The following CCDC152 variants were observed in gnomAD, a reference collection of about 807,000 sequenced individuals.
CCDC152 encodes coiled-coil domain-containing protein 152.
In CCDC152, 37 loss-of-function variants were observed where a neutral mutation model predicts 38.1. The observed-to-expected ratio is 0.97, with a 90% CI of 0.75 to 1.28. CCDC152 has a LOEUF of 1.28. Among genes scored for constraint, CCDC152 ranks in the 50% most tolerant of loss-of-function variants. The pLI, the probability that CCDC152 is intolerant of heterozygous loss-of-function variation, is 0.00. For synonymous variants in CCDC152, 83 were observed against 87.1 expected (o/e 0.95, Z 0.26); for missense variants, 259 against 292.1 (o/e 0.89, Z 0.83).
rs1579705124 is a variant in CCDC152 at position 42,763,243 on chromosome 5, A to C, written c.193+695A>C. Among the ~76,000 whole-genome samples the C allele has an allele frequency of 2.6e-5, 4 of 152,256 alleles. No homozygotes were observed. In the South Asian group the frequency reaches 8.3e-4, roughly 31 times the overall value. On this transcript the variant is annotated intron_variant, in intron 3 of 8. Coordinates refer to ENST00000361970, the MANE Select transcript of CCDC152 (RefSeq NM_001134848.2). ...AAGTGAGACAAAAGCCAACTGAAAG[A>C]GCCGAAACTGGAACAACATGAGCTA...
chr5:42,800,560 A>G lies in CCDC152; in HGVS notation c.*779A>G, dbSNP rs376550561. The G allele has an allele frequency of 2.4e-6, 2 of 827,300 alleles. No homozygotes were observed. The highest frequency in any genetic ancestry group is 1.7e-5 in the African/African-American group (1 of 58,266). The allele number at this position is 827,300 out of a possible 1,614,324, so 51.2% of individuals were successfully genotyped here. On this transcript the variant is annotated 3_prime_UTR_variant, in exon 9 of 9. Coordinates refer to ENST00000361970, the MANE Select transcript of CCDC152 (RefSeq NM_001134848.2). ...AAATATGGTTTGAGTCAATATTTCT[A>G]TGACATAAAATTTAAAATCTGGAAG...
chr5:42,765,106 A>G (rs1393285126), intron 3 of CCDC152, among the ~76,000 whole-genome samples: 1 of 152,222 alleles, frequency 6.6e-6, no homozygotes, highest in African/African-American at 2.4e-5. Flanking sequence ...AAAACTCTGT[A>G]ACATTTTTAT....
At chr5:42,758,559 T>C (rs573993995) in intron 1 of CCDC152, among the ~76,000 whole-genome samples, 8 of 152,334 alleles carry the variant, frequency 5.3e-5, no homozygotes, top group Admixed American at 5.2e-4. Context: ...ATTTACATTC[T>C]GGGATTCTGA....
intron 6 of CCDC152, among the ~76,000 whole-genome samples, chr5:42,792,909 C>T (rs1295685884): frequency 6.6e-6 from 1 of 152,118 alleles, no homozygotes; most frequent in Admixed American, 6.5e-5. Flanking sequence ...TGTCATGGCG[C>T]CACATAACAC....
intron 3 of CCDC152, among the ~76,000 whole-genome samples, chr5:42,765,777 A>C (rs1579706500): frequency 6.6e-6 from 1 of 152,218 alleles, no homozygotes; most frequent in African/African-American, 2.4e-5. Flanking sequence ...TGGATTAAAA[A>C]CTTAAATCTA....
chr5:42,783,596 G>T lies in CCDC152; in HGVS notation c.430+20G>T. The stretch of plus-strand genomic sequence containing the variant: ...GAAAAGGTAAGTTTAAAATAAACTT[G>T]CTTTTTTGTTATTGATTCAACAGAT... On this transcript the variant is annotated intron_variant, in intron 6 of 8. Coordinates refer to ENST00000361970, the MANE Select transcript of CCDC152 (RefSeq NM_001134848.2). The T allele has an allele frequency of 8.0e-7, 1 of 1,244,696 alleles. No individual in the cohort carries two copies. The highest frequency in any genetic ancestry group is 1.0e-6 in the Non-Finnish European group (1 of 955,480). The allele number at this position is 1,244,696 out of a possible 1,614,324, so 77.1% of individuals were successfully genotyped here. A position where few individuals can be genotyped will look rare whatever the true frequency, so the allele number is the denominator to read the frequency against.
chr5:42,799,800 T>C lies in CCDC152; in HGVS notation c.*19T>C. 6.5e-7 allele frequency: 1 copy of C among 1,547,204 alleles called. No homozygotes were observed. Among genetic ancestry groups the C allele is most frequent in the Non-Finnish European group, 8.7e-7 (1 of 1,145,878 alleles). ...GTTTTGAGCTTAGCAGTAAATTCAT[T>C]AGTTGGTATTTATTTAAAAGCAATC... On this transcript the variant is annotated 3_prime_UTR_variant, in exon 9 of 9. Transcript: ENST00000361970.
rs1178449746 is a variant in CCDC152 at position 42,798,251 on chromosome 5, C to T, written c.559-1124C>T. The stretch of plus-strand genomic sequence containing the variant: ...CCTTTAAATGTTTTCTAGACTCTAT[C>T]AATCTACCCTTCCATCATTCTTCCG... On this transcript the variant is annotated intron_variant, in intron 7 of 8. Coordinates refer to ENST00000361970, the MANE Select transcript of CCDC152 (RefSeq NM_001134848.2). 2.6e-5 allele frequency among the ~76,000 whole-genome samples: 4 copies of T among 152,188 alleles called. No homozygotes were observed. In the East Asian group the frequency reaches 7.7e-4, roughly 29 times the overall value.
In CCDC152 at chr5:42,800,704, G is replaced by C; in HGVS notation, c.*923G>C. The C allele has an allele frequency of 1.3e-6, 2 of 1,581,734 alleles. No individual in the cohort carries two copies. The highest frequency in any genetic ancestry group is 1.7e-6 in the Non-Finnish European group (2 of 1,161,622). ...GTGTCTAGACTAAATTGGGGAGTAT[G>C]TCCTATTTTAAATATTTAGTTTGAA... On this transcript the variant is annotated 3_prime_UTR_variant, in exon 9 of 9. Transcript: ENST00000361970.
rs565790060 is a variant in CCDC152, at chr5:42,786,859, T to C, written c.430+3283T>C. ...TATGTTATGACTGCATTTTCTTTTG[T>C]TTCAAAATAAGTTTTCATTTCTGTT... On this transcript the variant is annotated intron_variant, in intron 6 of 8. Coordinates refer to ENST00000361970, the MANE Select transcript of CCDC152 (RefSeq NM_001134848.2). Among the ~76,000 whole-genome samples the C allele has an allele frequency of 3.9e-5, 6 of 152,168 alleles. No individual in the cohort carries two copies. In the East Asian group the frequency reaches 1.2e-3, roughly 29 times the overall value.
At chr5:42,797,086 T>C in intron 7 of CCDC152, 130 bp downstream of exon 7, 1 of 645,006 alleles carries the variant, frequency 1.6e-6, no homozygotes, top group Non-Finnish European at 2.5e-6. Context: ...TCACACATGC[T>C]CATTCTCCAC....
At chr5:42,797,176 AGTT>A (rs961334320) in intron 7 of CCDC152, among the ~76,000 whole-genome samples, 55 of 152,186 alleles carry the variant, frequency 3.6e-4, no homozygotes, top group African/African-American at 1.3e-3. Flanking sequence ...TGGACCCTTG[AGTT>A]GTTCGAAAGT....
intron 6 of CCDC152, among the ~76,000 whole-genome samples, chr5:42,790,425 G>C (rs759100376): frequency 1.2e-4 from 18 of 152,176 alleles, no homozygotes; most frequent in Admixed American, 1.1e-3. Context: ...GGAGCAACTG[G>C]AACTCTGAAA....
intron 6 of CCDC152, among the ~76,000 whole-genome samples, chr5:42,786,059 T>C (rs535779644): frequency 6.6e-6 from 1 of 152,196 alleles, no homozygotes; most frequent in African/African-American, 2.4e-5. Flanking sequence ...ATCAGGGATA[T>C]TGGCCTGTTG....
In CCDC152 at chr5:42,801,786, A is replaced by C. The variant is rs1404207590; in HGVS notation, c.*2005A>C. On this transcript the variant is annotated 3_prime_UTR_variant, in exon 9 of 9. Coordinates refer to ENST00000361970, the MANE Select transcript of CCDC152 (RefSeq NM_001134848.2). Reference sequence around the variant, plus strand: ...ACAAAAATTAGCTGGGTGTGGTGTCAGATGCCTGTAGTCCCAGCTACTTGT... The same window carrying C: ...ACAAAAATTAGCTGGGTGTGGTGTCCGATGCCTGTAGTCCCAGCTACTTGT... 1 of 160,028 alleles carries C rather than the reference A, an allele frequency of 6.2e-6. No individual in the cohort carries two copies. 9.9% of individuals were successfully genotyped at this position (160,028 alleles called of 1,614,324 possible).
intron 6 of CCDC152, among the ~76,000 whole-genome samples, chr5:42,791,701 G>A (rs1760001680): frequency 6.6e-6 from 1 of 152,102 alleles, no homozygotes; most frequent in Admixed American, 6.6e-5. Context: ...AGAGGTTTAA[G>A]GCCACTCTAG....
chr5:42,762,022 T>A (rs924550568), intron 2 of CCDC152, among the ~76,000 whole-genome samples: 1 of 152,216 alleles, frequency 6.6e-6, no homozygotes, highest in African/African-American at 2.4e-5. Flanking sequence ...TTATAGAGTA[T>A]ATTTACGCAA....
chr5:42,795,675 T>A (rs767997316), intron 6 of CCDC152, among the ~76,000 whole-genome samples: 1 of 152,196 alleles, frequency 6.6e-6, no homozygotes, highest in East Asian at 1.9e-4. Flanking sequence ...CAGAGTAGGA[T>A]CTACAAATTT....
At chr5:42,771,728 G>A (rs546124974) in intron 4 of CCDC152, among the ~76,000 whole-genome samples, 9 of 151,908 alleles carry the variant, frequency 5.9e-5, no homozygotes, top group African/African-American at 2.2e-4. Context: ...AGAAATAGTC[G>A]GAACACACCA....
Sources: allele counts gnomAD v4.1 joint callset (sites outside exome capture counted in the v4.1 genomes callset), GRCh38; gene constraint gnomAD v4.1.1; transcripts MANE v1.5; gene names NCBI Gene and HGNC (gene_info 2026-07-23, HGNC 2026-07-21).